The following CENPF variants were observed in gnomAD, a reference collection of about 807,000 sequenced individuals.
CENPF encodes the protein AH antigen.
A neutral mutation model predicts 307.3 loss-of-function variants in CENPF; 214 were observed. The observed-to-expected ratio is 0.70, with a 90% CI of 0.62 to 0.78. The LOEUF (loss-of-function observed/expected upper bound fraction) is 0.78, where lower values mean the gene tolerates loss of function less well. Among genes scored for constraint, CENPF ranks in the 30% least tolerant of loss-of-function variants. The pLI, the probability that CENPF is intolerant of heterozygous loss-of-function variation, is 0.00. For synonymous variants in CENPF, 1,259 were observed against 1,270.6 expected (o/e 0.99, Z 0.19); for missense variants, 3,401 against 3,483.9 (o/e 0.98, Z 0.60).
At chr1:214,606,481 G>C (rs1409016432) in intron 1 of CENPF, among the ~76,000 whole-genome samples, 1 of 152,152 alleles carries the variant, frequency 6.6e-6, no homozygotes, top group Non-Finnish European at 1.5e-5. Flanking sequence ...TTAGAAAGCC[G>C]TTCCTGGTGC....
intron 7 of CENPF, among the ~76,000 whole-genome samples, chr1:214,627,459 C>T (rs921144007): frequency 2.7e-5 from 4 of 150,410 alleles, no homozygotes; most frequent in Non-Finnish European, 5.9e-5. Context: ...CTGCAACCTC[C>T]GCCTCCTGGG....
chr1:214,635,455 AT>A lies in CENPF; in HGVS notation c.1447-2407del, dbSNP rs544670642. On this transcript the variant is annotated intron_variant, in intron 10 of 19. Transcript: ENST00000366955. ...TTGTGCTTTTCCAGCATAGTACCCA[AT>A]TTTGCAAATCATGTGAGGATGCAGG... 1.1e-4 allele frequency among the ~76,000 whole-genome samples: 16 copies of A among 152,296 alleles called. No homozygotes were observed. In the South Asian group the frequency reaches 1.5e-3, roughly 14 times the overall value.
Position 214,645,555 on chromosome 1 carries a change from A to G in CENPF, c.5985A>G (p.Gln1995=), listed in dbSNP as rs199575719. The G allele has an allele frequency of 6.2e-7, 1 of 1,614,162 alleles. No individual in the cohort carries two copies. Among genetic ancestry groups the G allele is most frequent in the Non-Finnish European group, 8.5e-7 (1 of 1,180,026 alleles). The change falls in exon 13 of 20, where the codon CAA becomes CAG. Residue 1995 remains glutamine, a synonymous_variant. Transcript: ENST00000366955. The part of the protein sequence containing the change: ...KEKTQELESH[Q]SECLHCIQVA... ...AAACACAAGAGCTTGAGTCTCATCA[A>G]AGTGAGTGTCTCCATTGCATTCAGG... is the stretch of plus-strand genomic sequence containing the variant.
At chr1:214,620,496 T>A (rs1488761479) in intron 5 of CENPF, among the ~76,000 whole-genome samples, 159 bp from the exon 6 acceptor site, 1 of 152,234 alleles carries the variant, frequency 6.6e-6, no homozygotes, top group African/African-American at 2.4e-5. Context: ...CATCACTGGG[T>A]ATTAGACTTA....
In CENPF at chr1:214,640,732, A is replaced by C; in HGVS notation, c.2394A>C (p.Ala798=). Residue 798 remains alanine, a synonymous_variant, in exon 12 of 20, where the codon GCA becomes GCC. Transcript: ENST00000366955. The part of the protein sequence containing the change: ...DQQPAMHHSF[A]NIIGEQGSMP... Reference sequence around the variant, plus strand: ...AGCCTGCCATGCATCATTCCTTTGCAAATATAATTGGAGAACAAGGAAGCA... The same window carrying C: ...AGCCTGCCATGCATCATTCCTTTGCCAATATAATTGGAGAACAAGGAAGCA... The C allele has an allele frequency of 1.2e-6, 2 of 1,614,130 alleles. No individual in the cohort carries two copies. Among genetic ancestry groups the C allele is most frequent in the East Asian group, 4.5e-5 (2 of 44,880 alleles).
At chr1:214,658,178 TA>T (rs1450811765) in intron 18 of CENPF, among the ~76,000 whole-genome samples, 1 of 111,894 alleles carries the variant, frequency 8.9e-6, no homozygotes, top group Non-Finnish European at 1.9e-5. Flanking sequence ...TATATGTAGT[TA>T]AAGTGTGAAA....
rs786205697 is a variant in CENPF at position 214,657,139 on chromosome 1, C to T, written c.8692C>T (p.Arg2898Ter). 6 of 1,614,132 alleles carry T rather than the reference C, an allele frequency of 3.7e-6. No homozygotes were observed. The highest frequency in any genetic ancestry group is 2.2e-5 in the South Asian group (2 of 91,084). The change falls in exon 18 of 20, where the codon CGA (arginine) becomes TGA (stop). Residue 2898 changes from arginine to a stop codon, truncating the protein, a stop_gained. Coordinates refer to ENST00000366955, the MANE Select transcript of CENPF (RefSeq NM_016343.4). LOFTEE classifies it high-confidence loss of function. The stretch of plus-strand genomic sequence containing the variant: ...TTCACAGCAATCTAAACAAGATTCC[C>T]GAGGGTCTCCTTTGCTAGGTCCAGT... The part of the protein sequence containing the change: ...LCSQQSKQDS[R>*]GSPLLGPVVP...
chr1:214,659,393 T>C lies in CENPF; in HGVS notation c.9141+365T>C, dbSNP rs1490548844. ...GTTTGTTTCAAACTTTACTCTCACT[T>C]ATCTGCCCCCAGCTGCTAATTCTTT... On this transcript the variant is annotated intron_variant, in intron 19 of 19. Coordinates refer to ENST00000366955, the MANE Select transcript of CENPF (RefSeq NM_016343.4). The surrounding 1 kb of genome is among the most constrained non-coding windows in gnomAD (Gnocchi z 4.4). Among the ~76,000 whole-genome samples the C allele has an allele frequency of 2.0e-5, 3 of 152,120 alleles. No individual in the cohort carries two copies. The highest frequency in any genetic ancestry group is 4.4e-5 in the Non-Finnish European group (3 of 68,028).
In CENPF at chr1:214,613,725, ATGT is replaced by A; in HGVS notation, c.-27_-25del. 2 of 1,558,932 alleles carry A rather than the reference ATGT, an allele frequency of 1.3e-6. No individual in the cohort carries two copies. The highest frequency in any genetic ancestry group is 1.7e-6 in the Non-Finnish European group (2 of 1,155,354). ...GTTATTCTTTTCAGTTTATTTACAA[ATGT>A]TGGAGTAATAAAGAAGGCAGAACAA... On this transcript the variant is annotated 5_prime_UTR_variant, in exon 2 of 20. Transcript: ENST00000366955.
intron 19 of CENPF, among the ~76,000 whole-genome samples, chr1:214,661,707 A>T (rs1194429003): frequency 1.3e-5 from 2 of 152,126 alleles, no homozygotes; most frequent in Non-Finnish European, 2.9e-5. Flanking sequence ...GTTCCAGAGG[A>T]CTGGCCAGTA....
At chr1:214,606,118 G>T in intron 1 of CENPF, 3 of 1,552,582 alleles carry the variant, frequency 1.9e-6, no homozygotes, top group East Asian at 4.6e-5. Context: ...GGCCTCCGAC[G>T]CGCGCGCACC....
rs1658263559 is a variant in CENPF at position 214,645,457 on chromosome 1, C to T, written c.5887C>T (p.Leu1963Phe). Residue 1963 changes from leucine to phenylalanine, a missense_variant, in exon 13 of 20, where the codon CTT becomes TTT. Coordinates refer to ENST00000366955, the MANE Select transcript of CENPF (RefSeq NM_016343.4). ...LSVVTSERNQ[L>F]RGELDTMSKK... ...AGTGGTCACAAGTGAGAGAAACCAG[C>T]TTCGTGGAGAATTAGATACTATGTC... 1.2e-6 allele frequency: 2 copies of T among 1,613,722 alleles called. No individual in the cohort carries two copies. Among genetic ancestry groups the T allele is most frequent in the Non-Finnish European group, 1.7e-6 (2 of 1,179,998 alleles).
chr1:214,606,755 C>T (rs1660435236), intron 1 of CENPF, among the ~76,000 whole-genome samples: 1 of 152,062 alleles, frequency 6.6e-6, no homozygotes, highest in African/African-American at 2.4e-5. Context: ...CCCAGGGCCA[C>T]CCCCACCCCC....
At position 214,644,930 on chromosome 1, in the gene CENPF, T is replaced by A. The variant is rs921704303; in HGVS notation, c.5360T>A (p.Leu1787His). The change falls in exon 13 of 20, where the codon CTT becomes CAT. Residue 1787 changes from leucine to histidine, a missense_variant. Physicochemically the swap from Leu to His is moderately conservative, Grantham distance 99. Coordinates refer to ENST00000366955, the MANE Select transcript of CENPF (RefSeq NM_016343.4). ...KETSNENLRL[L>H]HVIEDRDRKV... ...ACATCAAATGAGAATTTGAGATTAC[T>A]TCATGTGATAGAGGACCGTGACAGA... 1.2e-6 allele frequency: 2 copies of A among 1,613,770 alleles called. No homozygotes were observed. The highest frequency in any genetic ancestry group is 2.7e-5 in the African/African-American group (2 of 75,018).
chr1:214,614,108 CTT>C (rs370473275), intron 2 of CENPF, among the ~76,000 whole-genome samples, 192 bp downstream of exon 2: 3 of 123,030 alleles, frequency 2.4e-5, no homozygotes, highest in Non-Finnish European at 1.7e-5. Flanking sequence ...CAATCCCCTT[CTT>C]TTTTTTTTTT....
Position 214,641,710 on chromosome 1 carries a change from G to A in CENPF, c.3372G>A (p.Glu1124=), listed in dbSNP as rs762835152. The A allele has an allele frequency of 6.3e-7, 1 of 1,579,930 alleles. No homozygotes were observed. The change falls in exon 12 of 20, where the codon GAG becomes GAA. Residue 1124 remains glutamate, a synonymous_variant. Transcript: ENST00000366955. The part of the protein sequence containing the change: ...MTDNQNNSKS[E]AGGLKQEIMT... ...ATAACCAAAACAATTCTAAGAGCGAGGCTGGTGGTTTAAAGCAAGAAATCA... is the reference window on the plus strand; with the variant it reads ...ATAACCAAAACAATTCTAAGAGCGAAGCTGGTGGTTTAAAGCAAGAAATCA...
chr1:214,620,708 G>A lies in CENPF; in HGVS notation c.627G>A (p.Arg209=). The change falls in exon 6 of 20, where the codon CGG becomes CGA. Residue 209 remains arginine (R), a synonymous_variant. Transcript: ENST00000366955. ...CCATGAATCACCGCGACATTGCCCG[G>A]CATCAGGCTTCATCATCTGTGTTCT... is the stretch of plus-strand genomic sequence containing the variant. The part of the protein sequence containing the change: ...QATMNHRDIA[R]HQASSSVFSW... 1 of 1,614,118 alleles carries A rather than the reference G, an allele frequency of 6.2e-7. No homozygotes were observed. Among genetic ancestry groups the A allele is most frequent in the Non-Finnish European group, 8.5e-7 (1 of 1,180,016 alleles).
rs545815955 is a variant in CENPF at position 214,631,719 on chromosome 1, C to T, written c.1324-761C>T. Among the ~76,000 whole-genome samples, 5 of 152,294 alleles carry T rather than the reference C, an allele frequency of 3.3e-5. No homozygotes were observed. In the East Asian group the frequency reaches 9.7e-4, roughly 30 times the overall value. On this transcript the variant is annotated intron_variant, in intron 9 of 19. Coordinates refer to ENST00000366955, the MANE Select transcript of CENPF (RefSeq NM_016343.4). ...TTCACCAGGTTGGCCAGGCTGGCCT[C>T]AAACTCCTAACCTCAGGTGATCTGC...
intron 15 of CENPF, among the ~76,000 whole-genome samples, chr1:214,652,122 G>A (rs949279518): frequency 5.1e-5 from 7 of 136,980 alleles, no homozygotes; most frequent in Admixed American, 1.6e-4. Flanking sequence ...TGCAAGCTCC[G>A]TCTCCCAGGT....
Sources: gnomAD v4.1 joint callset for allele counts (sites outside exome capture counted in the v4.1 genomes callset) on GRCh38, gnomAD v4.1.1 for gene constraint, Gnocchi (gnomAD v3.1) non-coding constraint, MANE v1.5 for transcripts, NCBI Gene and HGNC (gene_info 2026-07-23, HGNC 2026-07-21) for gene names.